The following LRRC37A2 variants were observed in gnomAD, a reference collection of about 807,000 sequenced individuals.
The protein encoded by LRRC37A2 is leucine-rich repeat-containing protein 37A2.
A neutral mutation model predicts 68.8 loss-of-function variants in LRRC37A2; 9 were observed. The observed-to-expected ratio is 0.13, with a 90% CI of 0.08 to 0.23. The LOEUF is 0.23. LRRC37A2 is among the 10% of genes least tolerant of loss of function. LRRC37A2 has a pLI of 1.00. For synonymous variants in LRRC37A2, 63 were observed against 367.6 expected, an observed-to-expected ratio of 0.17 and a Z score of 9.48; for missense variants, 168 against 950.4, an observed-to-expected ratio of 0.18 and a Z score of 10.82.
At chr17:46,998,967 T>C in the LRRC37A2 span, 1 of 152,190 alleles carries the variant, frequency 6.6e-6, no homozygotes, top group Non-Finnish European at 1.5e-5. Flanking sequence ...AAATGCTCCA[T>C]GTGAAGAGGT....
the LRRC37A2 span, among the ~76,000 whole-genome samples, chr17:46,589,747 GA>G: frequency 2.8e-4 from 1 of 3,608 alleles, no homozygotes; most frequent in South Asian, 5.8e-3. Context: ...CTCATGTTGG[GA>G]AAAAAACCCC....
chr17:46,794,159 A>T, the LRRC37A2 span, among the ~76,000 whole-genome samples: 1 of 149,972 alleles, frequency 6.7e-6, no homozygotes, highest in African/African-American at 2.4e-5. Flanking sequence ...GACATAGAAC[A>T]GGGGTGGGGG....
chr17:46,932,297 G>A, the LRRC37A2 span: 4 of 1,401,238 alleles, frequency 2.9e-6, no homozygotes, highest in South Asian at 3.5e-5. Context: ...GGTGTCTGAA[G>A]AAGACTGATG....
chr17:46,612,262 G>A, the LRRC37A2 span, among the ~76,000 whole-genome samples: 1 of 80,814 alleles, frequency 1.2e-5, no homozygotes, highest in African/African-American at 5.6e-5. Context: ...TAAGGAAGTA[G>A]AGAAATTGGA....
the LRRC37A2 span, among the ~76,000 whole-genome samples, chr17:46,905,021 G>A: frequency 6.6e-6 from 1 of 152,000 alleles, no homozygotes; most frequent in East Asian, 1.9e-4. Context: ...CAAAGCCTCA[G>A]TTTCTACATT....
the LRRC37A2 span, among the ~76,000 whole-genome samples, chr17:46,993,832 C>T: frequency 2.0e-5 from 3 of 152,160 alleles, no homozygotes; most frequent in Admixed American, 2.0e-4. Context: ...TCTCTCAGCC[C>T]CAACTCTGCA....
the LRRC37A2 span, among the ~76,000 whole-genome samples, chr17:46,742,934 G>A: frequency 1.3e-5 from 2 of 152,168 alleles, no homozygotes; most frequent in Non-Finnish European, 2.9e-5. Flanking sequence ...AATGAAGCCA[G>A]GTTAAGTGAT....
chr17:46,731,963 T>C, the LRRC37A2 span, among the ~76,000 whole-genome samples: 3 of 152,216 alleles, frequency 2.0e-5, no homozygotes, highest in Non-Finnish European at 2.9e-5. Context: ...ATTTTCAGGC[T>C]GATCCAAGTG....
the LRRC37A2 span, among the ~76,000 whole-genome samples, chr17:46,832,429 G>T: frequency 7.0e-6 from 1 of 142,680 alleles, no homozygotes; most frequent in Non-Finnish European, 1.5e-5. Context: ...GAGAAGGGAG[G>T]TTGGGGGGAG....
chr17:46,983,952 G>T, the LRRC37A2 span: 2 of 152,330 alleles, frequency 1.3e-5, no homozygotes, highest in Non-Finnish European at 2.9e-5. Flanking sequence ...TCGGCAGGGG[G>T]ATCCTCTGTT....
the LRRC37A2 span, chr17:46,948,562 C>T: frequency 2.0e-5 from 3 of 152,242 alleles, no homozygotes; most frequent in Non-Finnish European, 4.4e-5. Context: ...TCTTTCTCTC[C>T]CAGCCTCAGT....
the LRRC37A2 span, among the ~76,000 whole-genome samples, chr17:46,822,550 G>A: frequency 6.6e-6 from 1 of 152,246 alleles, no homozygotes; most frequent in East Asian, 1.9e-4. Context: ...CAGCAGGCGA[G>A]GAAGGGGTCG....
the LRRC37A2 span, among the ~76,000 whole-genome samples, chr17:46,959,641 C>T: frequency 6.6e-6 from 1 of 152,212 alleles, no homozygotes; most frequent in African/African-American, 2.4e-5. Flanking sequence ...ATACCAACTC[C>T]CATGGATAGC....
At chr17:46,723,159 G>A in the LRRC37A2 span, among the ~76,000 whole-genome samples, 1 of 152,142 alleles carries the variant, frequency 6.6e-6, no homozygotes, top group Admixed American at 6.5e-5. Context: ...GGTCCTTGCA[G>A]CCATATAAGC....
chr17:47,007,960 G>A, the LRRC37A2 span: 3 of 152,116 alleles, frequency 2.0e-5, no homozygotes, highest in Non-Finnish European at 4.4e-5. Flanking sequence ...CTAGCCCTCA[G>A]ACAAACAGTG....
chr17:47,006,886 T>C, the LRRC37A2 span, among the ~76,000 whole-genome samples: 1 of 152,238 alleles, frequency 6.6e-6, no homozygotes, highest in Non-Finnish European at 1.5e-5. Context: ...CTACCAGATC[T>C]TTCCTCTCAG....
At chr17:46,583,351 G>A in the LRRC37A2 span, among the ~76,000 whole-genome samples, 76 of 76,348 alleles carry the variant, frequency 1.0e-3, 33 homozygotes, top group Non-Finnish European at 2.4e-3. Flanking sequence ...GCTGGAGTGC[G>A]GTGGCACAAC....
the LRRC37A2 span, among the ~76,000 whole-genome samples, chr17:46,873,916 G>A: frequency 6.6e-6 from 1 of 151,638 alleles, no homozygotes; most frequent in African/African-American, 2.4e-5. Context: ...TTGAACCCGG[G>A]AGGTGGAGGT....
the LRRC37A2 span, among the ~76,000 whole-genome samples, chr17:46,680,256 A>G: frequency 6.6e-6 from 1 of 151,812 alleles, no homozygotes; most frequent in Non-Finnish European, 1.5e-5. Context: ...ATAGTAATTG[A>G]AACAATGTTA....
Sources: allele counts gnomAD v4.1 joint callset (sites outside exome capture counted in the v4.1 genomes callset), GRCh38; gene constraint gnomAD v4.1.1; transcripts MANE v1.5; gene names NCBI Gene and HGNC (gene_info 2026-07-23, HGNC 2026-07-21).